Variants in KIAA1217 observed in about 807,000 individuals in gnomAD.
KIAA1217 encodes sickle tail protein homolog.
A neutral mutation model predicts 163.9 loss-of-function variants in KIAA1217; 88 were observed. That is an observed-to-expected ratio of 0.54 (90% CI 0.45 to 0.64). KIAA1217 has a LOEUF of 0.64. Among genes scored for constraint, KIAA1217 ranks in the 30% least tolerant of loss-of-function variants. The pLI, the probability that KIAA1217 is intolerant of heterozygous loss-of-function variation, is 0.00. For synonymous variants in KIAA1217, 903 were observed against 923.1 expected (o/e 0.98, Z 0.39); for missense variants, 2,372 against 2,475.0 (o/e 0.96, Z 0.88).
chr10:24,002,364 G>A (rs931300127), intron 1 of KIAA1217, among the ~76,000 whole-genome samples: 13 of 152,120 alleles, frequency 8.5e-5, no homozygotes, highest in African/African-American at 3.1e-4. Context: ...CCAAGTCTTA[G>A]GTCACACACT....
intron 2 of KIAA1217, among the ~76,000 whole-genome samples, chr10:24,245,090 C>T (rs979474545): frequency 6.6e-6 from 1 of 152,094 alleles, no homozygotes; most frequent in Non-Finnish European, 1.5e-5. Flanking sequence ...TAGGTGATAG[C>T]ATTGGTGGCC....
At chr10:24,405,200 A>G (rs1160411636) in intron 3 of KIAA1217, among the ~76,000 whole-genome samples, 1 of 152,214 alleles carries the variant, frequency 6.6e-6, no homozygotes, top group East Asian at 1.9e-4. Flanking sequence ...CCAGTGACCC[A>G]GTTTTGTTAT....
chr10:24,070,287 A>T (rs1286866336), intron 2 of KIAA1217, among the ~76,000 whole-genome samples: 1 of 146,562 alleles, frequency 6.8e-6, no homozygotes, highest in Non-Finnish European at 1.5e-5. Context: ...ATCAGAATTG[A>T]TAAAAAAAAA....
At chr10:24,230,530 G>T (rs533012017) in intron 2 of KIAA1217, among the ~76,000 whole-genome samples, 1 of 94,874 alleles carries the variant, frequency 1.1e-5, no homozygotes. Context: ...TTTTGAGACA[G>T]AGTCTCACTC....
chr10:24,046,358 A>G (rs891283096), intron 2 of KIAA1217, among the ~76,000 whole-genome samples: 2 of 152,128 alleles, frequency 1.3e-5, no homozygotes, highest in Admixed American at 1.3e-4. Flanking sequence ...TCATAGTCCT[A>G]TTGCTATTCC....
At chr10:23,825,952 G>T (rs1259181610) in intron 1 of KIAA1217, among the ~76,000 whole-genome samples, 1 of 152,138 alleles carries the variant, frequency 6.6e-6, no homozygotes, top group Non-Finnish European at 1.5e-5. Flanking sequence ...AAATGAGATT[G>T]CTGAGAAATA....
chr10:24,304,656 C>T (rs549713988), intron 2 of KIAA1217, among the ~76,000 whole-genome samples: 23 of 152,200 alleles, frequency 1.5e-4, no homozygotes, highest in African/African-American at 4.1e-4. Flanking sequence ...TATTTGCCTT[C>T]GAGCCCCTTC....
At chr10:23,831,327 AC>A (rs1838185947) in intron 1 of KIAA1217, among the ~76,000 whole-genome samples, 4 of 152,130 alleles carry the variant, frequency 2.6e-5, no homozygotes, top group African/African-American at 7.2e-5. Context: ...AAACAAACAA[AC>A]AAAAAGAGTA....
intron 2 of KIAA1217, among the ~76,000 whole-genome samples, chr10:24,082,417 C>A (rs1486773548): frequency 6.6e-6 from 1 of 152,036 alleles, no homozygotes; most frequent in African/African-American, 2.4e-5. Flanking sequence ...CCCTAACAGG[C>A]CCCAGTGTGT....
chr10:24,063,378 A>G (rs890529712), intron 2 of KIAA1217, among the ~76,000 whole-genome samples: 36 of 152,246 alleles, frequency 2.4e-4, no homozygotes, highest in African/African-American at 8.4e-4. Context: ...TTTTCCCAAC[A>G]CCATTTATTA....
intron 5 of KIAA1217, among the ~76,000 whole-genome samples, chr10:24,446,872 C>A (rs1423736883): frequency 3.3e-5 from 5 of 152,188 alleles, no homozygotes; most frequent in Non-Finnish European, 7.4e-5. Flanking sequence ...AGAAGTGGAG[C>A]TGAATTTAGA....
chr10:23,774,088 C>T (rs1323651775), intron 1 of KIAA1217, among the ~76,000 whole-genome samples: 1 of 152,134 alleles, frequency 6.6e-6, no homozygotes, highest in Non-Finnish European at 1.5e-5. Context: ...AAGATATTGG[C>T]TGTGGGTTTG....
At chr10:24,330,094 G>A (rs2045465136) in intron 2 of KIAA1217, among the ~76,000 whole-genome samples, 1 of 152,128 alleles carries the variant, frequency 6.6e-6, no homozygotes, top group Non-Finnish European at 1.5e-5. Context: ...GAGGTCAGGA[G>A]TTGGAGACCA....
chr10:23,992,142 A>G (rs1846244667), intron 1 of KIAA1217, among the ~76,000 whole-genome samples: 1 of 152,210 alleles, frequency 6.6e-6, no homozygotes, highest in Non-Finnish European at 1.5e-5. Context: ...TGAGACAACT[A>G]GAGTGCTTTG....
chr10:24,501,209 A>G (rs895715924), intron 8 of KIAA1217, among the ~76,000 whole-genome samples, 170 bp from the exon 9 acceptor site: 3 of 152,216 alleles, frequency 2.0e-5, no homozygotes, highest in Non-Finnish European at 4.4e-5. Context: ...CTAGAATGTG[A>G]TCATTGCACA....
At chr10:24,048,261 T>C (rs1849190150) in intron 2 of KIAA1217, among the ~76,000 whole-genome samples, 1 of 152,230 alleles carries the variant, frequency 6.6e-6, no homozygotes, top group Admixed American at 6.5e-5. Context: ...TGCTACAATT[T>C]GCATAGCTTA....
chr10:24,222,136 C>T (rs1194586825), intron 2 of KIAA1217, among the ~76,000 whole-genome samples: 3 of 152,156 alleles, frequency 2.0e-5, no homozygotes, highest in Non-Finnish European at 4.4e-5. Context: ...TTGGTTAAAA[C>T]AATTACAAGG....
chr10:24,050,702 T>C (rs1407572430), intron 2 of KIAA1217, among the ~76,000 whole-genome samples: 1 of 152,208 alleles, frequency 6.6e-6, no homozygotes, highest in Non-Finnish European at 1.5e-5. Context: ...TTTTGGTTAC[T>C]GTAGCCTTGT....
At chr10:24,022,955 C>G (rs1386292338) in intron 2 of KIAA1217, among the ~76,000 whole-genome samples, 1 of 150,294 alleles carries the variant, frequency 6.7e-6, no homozygotes, top group Non-Finnish European at 1.5e-5. Context: ...CTATAAAAAA[C>G]CTACAGCAAA....
Sources: gnomAD v4.1 joint callset for allele counts (sites outside exome capture counted in the v4.1 genomes callset) on GRCh38, gnomAD v4.1.1 for gene constraint, MANE v1.5 for transcripts, NCBI Gene and HGNC (gene_info 2026-07-23, HGNC 2026-07-21) for gene names.